PANK4: variants seen among roughly 807,000 people sequenced by gnomAD.
PANK4 encodes the protein pantothenate kinase 4 (inactive).
A neutral mutation model predicts 87.9 loss-of-function variants in PANK4; 40 were observed. That is an observed-to-expected ratio of 0.46 (90% CI 0.35 to 0.59). The LOEUF (loss-of-function observed/expected upper bound fraction) is 0.59, where lower values mean the gene tolerates loss of function less well. Among genes scored for constraint, PANK4 ranks in the 20% least tolerant of loss-of-function variants. The pLI, the probability that PANK4 is intolerant of heterozygous loss-of-function variation, is 0.00. For missense variants in PANK4, 926 were observed against 1,072.3 expected, an observed-to-expected ratio of 0.86 and a Z score of 1.90; for synonymous variants, 524 against 467.4, an observed-to-expected ratio of 1.12 and a Z score of -1.56.
intron 1 of PANK4, chr1:2,526,082 G>GC (rs1193379510): frequency 2.0e-5 from 3 of 152,536 alleles, no homozygotes; most frequent in African/African-American, 7.2e-5. Context: ...AAGCGGCGGA[G>GC]CCGGGGCGCC....
At chr1:2,513,916 C>T in intron 12 of PANK4, 86 bp downstream of exon 12, 4 of 1,027,252 alleles carry the variant, frequency 3.9e-6, no homozygotes, top group Non-Finnish European at 6.2e-6. Context: ...ACAGGATGCC[C>T]CGAGCCAGCG....
rs1414323538 is a variant in PANK4, at chr1:2,510,176, G to A, written c.1939-19C>T. Reference sequence around the variant, plus strand: ...GGATGACCTGCAGGAGGAGGGCCCAGGCTCTTTAGGAACCTGTGCTGGCCC... The same window carrying A: ...GGATGACCTGCAGGAGGAGGGCCCAAGCTCTTTAGGAACCTGTGCTGGCCC... On this transcript the variant is annotated intron_variant, in intron 16 of 18. Coordinates refer to ENST00000378466, the MANE Select transcript of PANK4 (RefSeq NM_018216.4). This position sits in a 1 kb window ranked among gnomAD's most constrained non-coding sequence, Gnocchi z 4.9. The A allele has an allele frequency of 6.7e-7, 1 of 1,500,816 alleles. No individual in the cohort carries two copies. The allele number at this position is 1,500,816 out of a possible 1,614,324, so 93.0% of individuals were successfully genotyped here.
Position 2,518,175 on chromosome 1 carries a change from G to C in PANK4, c.1207C>G (p.Arg403Gly). The C allele has an allele frequency of 6.2e-7, 1 of 1,604,148 alleles. No individual in the cohort carries two copies. ...SPELGPAQRARSGTFDLLEMD... is the reference protein window; with the variant it reads ...SPELGPAQRAGSGTFDLLEMD... ...AGCCCACTACTCACAGTGCCACTCC[G>C]CGCCCGCTGCGCCGGGCCGAGCTCG... Residue 403 changes from arginine (R) to glycine (G), a missense_variant, in exon 9 of 19, where the codon CGG becomes GGG. Arg to Gly is a moderately radical substitution (Grantham distance 125). Transcript: ENST00000378466.
In PANK4 at chr1:2,515,450, C is replaced by T. The variant is rs989734754; in HGVS notation, c.1374+112G>A. The T allele has an allele frequency of 8.2e-7, 1 of 1,225,690 alleles. No homozygotes were observed. The allele number at this position is 1,225,690 out of a possible 1,614,324, so 75.9% of individuals were successfully genotyped here. ...CACTCAGACGCAGATCAAGGGGTTTCTGGACAACACTGGCCTGTCCCCCTT... is the reference window on the plus strand; with the variant it reads ...CACTCAGACGCAGATCAAGGGGTTTTTGGACAACACTGGCCTGTCCCCCTT... On this transcript the variant is annotated intron_variant, in intron 10 of 18. Transcript: ENST00000378466. The surrounding 1 kb of genome is among the most constrained non-coding windows in gnomAD (Gnocchi z 5.0).
rs1226328777 is a variant in PANK4 at position 2,520,643 on chromosome 1, C to A, written c.606+80G>T. The A allele has an allele frequency of 1.4e-6, 2 of 1,393,008 alleles. No homozygotes were observed. The highest frequency in any genetic ancestry group is 2.0e-6 in the Non-Finnish European group (2 of 999,016). The allele number at this position is 1,393,008 out of a possible 1,614,324, so 86.3% of individuals were successfully genotyped here. On this transcript the variant is annotated intron_variant, in intron 4 of 18. Coordinates refer to ENST00000378466, the MANE Select transcript of PANK4 (RefSeq NM_018216.4). This position sits in a 1 kb window ranked among gnomAD's most constrained non-coding sequence, Gnocchi z 6.2. ...CACTGGGCCCCATCCATGTGCCCAG[C>A]CCTGGCTCCTGCACACAGCGAGGGC...
intron 1 of PANK4, among the ~76,000 whole-genome samples, chr1:2,522,519 G>C (rs910057145): frequency 1.3e-5 from 2 of 152,104 alleles, no homozygotes; most frequent in African/African-American, 4.8e-5. Context: ...ACCTGAACCA[G>C]ATTTCAGGGA....
chr1:2,516,084 C>T lies in PANK4; in HGVS notation c.1219-367G>A. ...CATCACCACCTCCCTGCAGTCACCC[C>T]TCCCTGTCACCCCTACAGTTTCACC... On this transcript the variant is annotated intron_variant, in intron 9 of 18. Coordinates refer to ENST00000378466, the MANE Select transcript of PANK4 (RefSeq NM_018216.4). 1.2e-5 allele frequency: 4 copies of T among 337,630 alleles called. No individual in the cohort carries two copies. The South Asian group carries it at 1.3e-4, about 11-fold the overall frequency. The allele number at this position is 337,630 out of a possible 1,614,324, so 20.9% of individuals were successfully genotyped here. A position where few individuals can be genotyped will look rare whatever the true frequency, so the allele number is the denominator to read the frequency against.
chr1:2,518,353 T>C, intron 8 of PANK4, 89 bp from the exon 9 acceptor site: 1 of 1,041,342 alleles, frequency 9.6e-7, no homozygotes, highest in South Asian at 1.3e-5. Context: ...TAAAATCGCT[T>C]ATTAACTAAA....
chr1:2,509,799 G>A lies in PANK4; in HGVS notation c.2108+63C>T. 6.9e-7 allele frequency: 1 copy of A among 1,457,410 alleles called. No individual in the cohort carries two copies. Among genetic ancestry groups the A allele is most frequent in the Non-Finnish European group, 9.6e-7 (1 of 1,045,726 alleles). 90.3% of individuals were successfully genotyped at this position (1,457,410 alleles called of 1,614,324 possible). ...GGTGTCCCGCATGCACCTGGGTGCA[G>A]GTGCACGGCACAGAGGGCACAGAGC... On this transcript the variant is annotated intron_variant, in intron 18 of 18. Transcript: ENST00000378466. This position sits in a 1 kb window ranked among gnomAD's most constrained non-coding sequence, Gnocchi z 4.9.
At chr1:2,525,498 C>T (rs889290245) in intron 1 of PANK4, 1 of 152,164 alleles carries the variant, frequency 6.6e-6, no homozygotes, top group Non-Finnish European at 1.5e-5. Context: ...CCCAGGAAGC[C>T]CTCATGCCTG....
Position 2,508,774 on chromosome 1 carries a change from C to A in PANK4, c.*73G>T, listed in dbSNP as rs1027692377. 3.2e-5 allele frequency: 29 copies of A among 893,942 alleles called. No individual in the cohort carries two copies. The highest frequency in any genetic ancestry group is 4.9e-5 in the Non-Finnish European group (27 of 555,750). The allele number at this position is 893,942 out of a possible 1,614,324, so 55.4% of individuals were successfully genotyped here. A position where few individuals can be genotyped will look rare whatever the true frequency, so the allele number is the denominator to read the frequency against. ...TACCATATAAATACGTTGATTTGAA[C>A]GCAGTTTCCCTGTGGTGGTAAAAAC... On this transcript the variant is annotated 3_prime_UTR_variant, in exon 19 of 19. Transcript: ENST00000378466. The surrounding 1 kb of genome is among the most constrained non-coding windows in gnomAD (Gnocchi z 5.1).
chr1:2,509,424 C>G lies in PANK4; in HGVS notation c.2109-364G>C, dbSNP rs555872027. Among the ~76,000 whole-genome samples the G allele has an allele frequency of 1.5e-4, 23 of 152,304 alleles. 1 individual carries two copies. The highest frequency in any genetic ancestry group is 1.4e-3 in the Admixed American group (22 of 15,302). ...AGACCAGCGGCCCCAGCACTCAGAACCCGCTCATTTAAGGGGTTCCTTCCT... is the reference window on the plus strand; with the variant it reads ...AGACCAGCGGCCCCAGCACTCAGAAGCCGCTCATTTAAGGGGTTCCTTCCT... On this transcript the variant is annotated intron_variant, in intron 18 of 18. Transcript: ENST00000378466. The surrounding 1 kb of genome is among the most constrained non-coding windows in gnomAD (Gnocchi z 4.9).
chr1:2,514,163 C>G, intron 11 of PANK4, 74 bp from the exon 12 acceptor site: 1 of 1,331,920 alleles, frequency 7.5e-7, no homozygotes, highest in South Asian at 1.2e-5. Flanking sequence ...CTCGGCTGTG[C>G]CACGGACGTC....
At chr1:2,517,959 A>G (rs536045623) in intron 9 of PANK4, among the ~76,000 whole-genome samples, 1 of 152,340 alleles carries the variant, frequency 6.6e-6, no homozygotes, top group South Asian at 2.1e-4. Flanking sequence ...AAAATACGAA[A>G]GCACCCAATG....
Position 2,509,110 on chromosome 1 carries a change from C to T in PANK4, c.2109-50G>A, listed in dbSNP as rs1215517853. 6.9e-7 allele frequency: 1 copy of T among 1,438,856 alleles called. No homozygotes were observed. The highest frequency in any genetic ancestry group is 1.4e-5 in the African/African-American group (1 of 72,008). The allele number at this position is 1,438,856 out of a possible 1,614,324, so 89.1% of individuals were successfully genotyped here. On this transcript the variant is annotated intron_variant, in intron 18 of 18. Coordinates refer to ENST00000378466, the MANE Select transcript of PANK4 (RefSeq NM_018216.4). This position sits in a 1 kb window ranked among gnomAD's most constrained non-coding sequence, Gnocchi z 4.9. ...GACTGGGCAAGCAGACCCCAGACCC[C>T]ACTTCCCATACAGTGCGGCGACCAA...
intron 8 of PANK4, 56 bp from the exon 9 acceptor site, chr1:2,518,320 G>C (rs535077270): frequency 8.2e-7 from 1 of 1,213,720 alleles, no homozygotes; most frequent in East Asian, 2.3e-5. Context: ...TTCAAAAGCA[G>C]GAGAGTGGAG....
chr1:2,516,688 G>A lies in PANK4; in HGVS notation c.1219-971C>T, dbSNP rs117643120. Among the ~76,000 whole-genome samples the A allele has an allele frequency of 1.3e-3, 201 of 152,228 alleles. 4 individuals are homozygous for A. The East Asian group carries it at 0.035, about 26-fold the overall frequency. On this transcript the variant is annotated intron_variant, in intron 9 of 18. Transcript: ENST00000378466. The stretch of plus-strand genomic sequence containing the variant: ...AGCAAAGGGGACGCCTTCCAGGTGG[G>A]AAGCCCATGCCGGGCAGAAGCTCCA...
rs753762604 is a variant in PANK4 at position 2,508,954 on chromosome 1, G to A, written c.2215C>T (p.Arg739Cys). The A allele has an allele frequency of 6.2e-6, 10 of 1,609,166 alleles. No individual in the cohort carries two copies. Among genetic ancestry groups the A allele is most frequent in the African/African-American group, 5.3e-5 (4 of 74,820 alleles). The change falls in exon 19 of 19, where the codon CGC (arginine) becomes TGC (cysteine). Residue 739 changes from arginine to cysteine, a missense_variant. Arg to Cys is a radical substitution (Grantham distance 180). Coordinates refer to ENST00000378466, the MANE Select transcript of PANK4 (RefSeq NM_018216.4). The surrounding 1 kb of genome is among the most constrained non-coding windows in gnomAD (Gnocchi z 5.1). ...AVHTNYHAAL[R>C]CESLKLAVIK... is the part of the protein sequence containing the mutation. ...ACGGCCAGCTTGAGGCTCTCGCAGC[G>A]CAGGGCTGCGTGGTAGTTTGTGTGG... is the stretch of plus-strand genomic sequence containing the variant.
At position 2,510,038 on chromosome 1, in the gene PANK4, A is replaced by T; in HGVS notation, c.2039+19T>A. ...CCCTCCCCATCAAGGCCCCCCCAGC[A>T]CTGCCCGCCAACACTCACTGCACGA... On this transcript the variant is annotated intron_variant, in intron 17 of 18. Transcript: ENST00000378466. This position sits in a 1 kb window ranked among gnomAD's most constrained non-coding sequence, Gnocchi z 4.9. The T allele has an allele frequency of 6.3e-7, 1 of 1,594,556 alleles. No homozygotes were observed. Among genetic ancestry groups the T allele is most frequent in the Non-Finnish European group, 8.6e-7 (1 of 1,167,436 alleles).
Sources: allele counts gnomAD v4.1 joint callset (sites outside exome capture counted in the v4.1 genomes callset), GRCh38; gene constraint gnomAD v4.1.1; non-coding constraint Gnocchi (gnomAD v3.1); transcripts MANE v1.5; gene names NCBI Gene and HGNC (gene_info 2026-07-23, HGNC 2026-07-21).